The following MEIG1 variants were observed in gnomAD, a reference collection of about 807,000 sequenced individuals.
The protein encoded by MEIG1 is meiosis expressed gene 1 protein homolog.
MEIG1 carries 12 observed loss-of-function variants against 11.3 expected under a neutral mutation model. The observed-to-expected ratio is 1.07, with a 90% CI of 0.68 to 1.73. The LOEUF is 1.73. MEIG1 is among the 40% of genes most tolerant of loss of function. MEIG1 has a pLI of 0.00. For synonymous variants in MEIG1, 41 were observed against 33.2 expected (o/e 1.24, Z -0.81); for missense variants, 119 against 104.9 (o/e 1.13, Z -0.59).
At position 14,972,498 on chromosome 10, in the gene MEIG1, G is replaced by C. The variant is rs1386956651; in HGVS notation, c.139-15G>C. Reference sequence around the variant, plus strand: ...CCTCCATTGTAACGTTTGTACTCTGGTTCTTGATGTGCAGGTAGATCGTTG... The same window carrying C: ...CCTCCATTGTAACGTTTGTACTCTGCTTCTTGATGTGCAGGTAGATCGTTG... On this transcript the variant is annotated splice_polypyrimidine_tract_variant and intron_variant, in intron 2 of 2. Coordinates refer to ENST00000407572, the MANE Select transcript of MEIG1 (RefSeq NM_001080836.3). 1.2e-6 allele frequency: 2 copies of C among 1,613,832 alleles called. No homozygotes were observed. Among genetic ancestry groups the C allele is most frequent in the South Asian group, 2.2e-5 (2 of 91,058 alleles).
intron 1 of MEIG1, among the ~76,000 whole-genome samples, chr10:14,961,393 T>C (rs1843010861): frequency 6.6e-6 from 1 of 152,256 alleles, no homozygotes. Flanking sequence ...GTATTTCATA[T>C]AATTCAGTTT....
chr10:14,969,692 C>T (rs192784886), intron 2 of MEIG1, among the ~76,000 whole-genome samples: 565 of 152,094 alleles, frequency 3.7e-3, no homozygotes, highest in African/African-American at 0.013. Flanking sequence ...CAAAATTAGC[C>T]GGGCATGGTG....
At chr10:14,977,939 C>T (rs1044538568) in intron 1 of MEIG1, among the ~76,000 whole-genome samples, 2 of 151,868 alleles carry the variant, frequency 1.3e-5, no homozygotes, top group Non-Finnish European at 2.9e-5. Flanking sequence ...AGAGAGTGTG[C>T]CCCCAGTGAC....
At chr10:14,975,915 A>T (rs1392204670), downstream of MEIG1, among the ~76,000 whole-genome samples, 1 of 152,154 alleles carries the variant, frequency 6.6e-6, no homozygotes, top group African/African-American at 2.4e-5. Flanking sequence ...GGGGAAGAGG[A>T]TGCTATTACT....
chr10:14,983,408 C>CT (rs1843284801), intron 1 of MEIG1, among the ~76,000 whole-genome samples: 1 of 151,910 alleles, frequency 6.6e-6, no homozygotes, highest in African/African-American at 2.4e-5. Flanking sequence ...CTCTGATATT[C>CT]TTCCTAGCAG....
chr10:14,964,988 T>A (rs962528494), intron 1 of MEIG1, among the ~76,000 whole-genome samples: 2 of 152,112 alleles, frequency 1.3e-5, no homozygotes. Flanking sequence ...GGTTTCACCA[T>A]GTTGGCCAGG....
In MEIG1 at chr10:14,966,604, A is replaced by G. The variant is rs752963426; in HGVS notation, c.136A>G (p.Met46Val). 5.0e-6 allele frequency: 8 copies of G among 1,607,866 alleles called. No homozygotes were observed. In the South Asian group the frequency reaches 9.0e-5, roughly 18 times the overall value. ...TEYRQVKQVS[M>V]VDRWPETGYV... Reference sequence around the variant, plus strand: ...ATATAGACAAGTGAAACAAGTTTCTATGGTAAGATTTCTGTCTCTACAAAC... The same window carrying G: ...ATATAGACAAGTGAAACAAGTTTCTGTGGTAAGATTTCTGTCTCTACAAAC... Residue 46 changes from methionine to valine, a missense_variant and splice_region_variant, in exon 2 of 3, where the codon ATG becomes GTG. Met to Val is a conservative substitution (Grantham distance 21). Transcript: ENST00000407572.
chr10:14,981,450 A>G (rs1190264335), intron 1 of MEIG1, among the ~76,000 whole-genome samples: 2 of 152,154 alleles, frequency 1.3e-5, no homozygotes, highest in Non-Finnish European at 2.9e-5. Flanking sequence ...CTCCTACAGT[A>G]CAAGTCCGAG....
chr10:14,984,508 C>G (rs561502642), intron 1 of MEIG1, among the ~76,000 whole-genome samples: 1 of 151,990 alleles, frequency 6.6e-6, no homozygotes, highest in African/African-American at 2.4e-5. Flanking sequence ...TGTGTGTACA[C>G]CTTGTGGTCT....
At chr10:14,961,833 G>T (rs1222190433) in intron 1 of MEIG1, among the ~76,000 whole-genome samples, 3 of 150,758 alleles carry the variant, frequency 2.0e-5, no homozygotes, top group African/African-American at 7.3e-5. Context: ...TTGAGGCAGG[G>T]TCTCATTCTT....
chr10:14,964,564 AGT>A (rs151283080), intron 1 of MEIG1, among the ~76,000 whole-genome samples: 16 of 104,454 alleles, frequency 1.5e-4, no homozygotes, highest in East Asian at 3.1e-4. Flanking sequence ...TGTATATAAG[AGT>A]GTGTGTGTGT....
At chr10:14,983,976 C>T (rs1843290086) in intron 1 of MEIG1, among the ~76,000 whole-genome samples, 2 of 151,934 alleles carry the variant, frequency 1.3e-5, no homozygotes, top group Admixed American at 6.6e-5. Flanking sequence ...GATACTACAC[C>T]CAATGCTGCT....
intron 1 of MEIG1, among the ~76,000 whole-genome samples, chr10:14,981,748 C>A (rs1564509842): frequency 6.6e-6 from 1 of 152,198 alleles, no homozygotes; most frequent in Non-Finnish European, 1.5e-5. Flanking sequence ...GAGCTGAGGG[C>A]ATTTGTTCTT....
In MEIG1 at chr10:14,959,496, G is replaced by C. The variant is rs1190766705; in HGVS notation, c.-91G>C. The C allele has an allele frequency of 1.3e-5, 2 of 152,630 alleles. No homozygotes were observed. Among genetic ancestry groups the C allele is most frequent in the East Asian group, 3.8e-4 (2 of 5,206 alleles). 9.5% of individuals were successfully genotyped at this position (152,630 alleles called of 1,614,324 possible). A position where few individuals can be genotyped will look rare whatever the true frequency, so the allele number is the denominator to read the frequency against. On this transcript the variant is annotated 5_prime_UTR_variant, in exon 1 of 3. Coordinates refer to ENST00000407572, the MANE Select transcript of MEIG1 (RefSeq NM_001080836.3). The stretch of plus-strand genomic sequence containing the variant: ...CACCCACGCCCGCCTGCAAGCTCCC[G>C]GGCGCCCCCGGCCTCTCCTGCTCGG...
intron 1 of MEIG1, among the ~76,000 whole-genome samples, chr10:14,985,353 T>C (rs1843308704): frequency 6.6e-6 from 1 of 152,052 alleles, no homozygotes; most frequent in Non-Finnish European, 1.5e-5. Flanking sequence ...ATTTGTAATA[T>C]CCTAAAGGGA....
chr10:14,982,136 G>A (rs1843271948), intron 1 of MEIG1, among the ~76,000 whole-genome samples: 1 of 152,256 alleles, frequency 6.6e-6, no homozygotes, highest in Non-Finnish European at 1.5e-5. Context: ...CATATGATAG[G>A]CCTCACACAG....
At chr10:14,958,295 A>G (rs879642456), upstream of MEIG1, among the ~76,000 whole-genome samples, 1 of 152,236 alleles carries the variant, frequency 6.6e-6, no homozygotes, top group African/African-American at 2.4e-5. Flanking sequence ...TGGGAGTTGT[A>G]AGTAAATAGT....
chr10:14,987,602 A>G (rs1843332138), intron 2 of MEIG1: 2 of 539,890 alleles, frequency 3.7e-6, no homozygotes, highest in Admixed American at 6.3e-5. Flanking sequence ...CAAAAATCTC[A>G]GAATTTTTAC....
At chr10:14,966,938 T>C (rs1431237411) in intron 2 of MEIG1, among the ~76,000 whole-genome samples, 1 of 152,122 alleles carries the variant, frequency 6.6e-6, no homozygotes, top group Admixed American at 6.6e-5. Context: ...TTGCCGTGTT[T>C]GGCCAGGCTG....
Sources: gnomAD v4.1 joint callset for allele counts (sites outside exome capture counted in the v4.1 genomes callset) on GRCh38, gnomAD v4.1.1 for gene constraint, MANE v1.5 for transcripts, NCBI Gene and HGNC (gene_info 2026-07-23, HGNC 2026-07-21) for gene names.